TUSC3: variants seen among roughly 807,000 people sequenced by gnomAD.
The protein encoded by TUSC3 is dolichyl-diphosphooligosaccharide--protein glycosyltransferase subunit TUSC3.
Under a neutral mutation model 44.8 loss-of-function variants are expected in TUSC3, and 45 were observed. The observed-to-expected ratio is 1.00, with a 90% CI of 0.79 to 1.29. TUSC3 has a LOEUF of 1.29. Among genes scored for constraint, TUSC3 ranks in the 50% most tolerant of loss-of-function variants. The pLI, the probability that TUSC3 is intolerant of heterozygous loss-of-function variation, is 0.00. For missense variants in TUSC3, 519 were observed against 437.9 expected, an observed-to-expected ratio of 1.19 and a Z score of -1.65; for synonymous variants, 212 against 152.9, an observed-to-expected ratio of 1.39 and a Z score of -2.85.
chr8:15,755,513 C>G (rs905332653), intron 9 of TUSC3, among the ~76,000 whole-genome samples: 1 of 151,966 alleles, frequency 6.6e-6, no homozygotes, highest in African/African-American at 2.4e-5. Context: ...TTTTGATGAG[C>G]TTAGTTGGGC....
chr8:15,735,605 T>A (rs959687771), intron 7 of TUSC3, among the ~76,000 whole-genome samples: 1 of 152,258 alleles, frequency 6.6e-6, no homozygotes, highest in African/African-American at 2.4e-5. Flanking sequence ...AATAGGCCAG[T>A]AATGTTCTCA....
At chr8:15,766,889 A>G (rs1208695897), downstream of TUSC3, among the ~76,000 whole-genome samples, 1 of 152,112 alleles carries the variant, frequency 6.6e-6, no homozygotes, top group East Asian at 1.9e-4. Flanking sequence ...ATTGTGTTTT[A>G]AAAAGGACTG....
chr8:15,682,569 T>C (rs1388483866), intron 6 of TUSC3, among the ~76,000 whole-genome samples: 1 of 152,176 alleles, frequency 6.6e-6, no homozygotes, highest in Non-Finnish European at 1.5e-5. Flanking sequence ...GAAATGGATC[T>C]ATTGGAGACG....
intron 1 of TUSC3, among the ~76,000 whole-genome samples, chr8:15,562,864 A>T (rs1450926219): frequency 6.6e-6 from 1 of 152,136 alleles, no homozygotes; most frequent in African/African-American, 2.4e-5. Context: ...GGTGAGGCTA[A>T]TCCAGGATAA....
chr8:15,644,399 A>G (rs534330647), intron 2 of TUSC3, among the ~76,000 whole-genome samples: 2 of 152,284 alleles, frequency 1.3e-5, no homozygotes, highest in African/African-American at 4.8e-5. Context: ...TTTTCAGTTA[A>G]TAGTGTTGGA....
the TUSC3 span, among the ~76,000 whole-genome samples, chr8:15,819,864 A>G: frequency 6.6e-6 from 1 of 152,086 alleles, no homozygotes; most frequent in African/African-American, 2.4e-5. Context: ...CAGAAGTGGG[A>G]TCTTCCCTTC....
chr8:15,516,644 C>A (rs1370328749), intron 2 of TUSC3, among the ~76,000 whole-genome samples: 2 of 152,158 alleles, frequency 1.3e-5, no homozygotes, highest in African/African-American at 4.8e-5. Flanking sequence ...TTCTCTCTCA[C>A]ATTCACACTA....
chr8:15,535,473 A>G (rs188391463), upstream of TUSC3, among the ~76,000 whole-genome samples: 67 of 152,346 alleles, frequency 4.4e-4, no homozygotes, highest in Admixed American at 1.2e-3. Context: ...TAAAAGGTGC[A>G]GAAAACAAAG....
At chr8:15,528,442 T>C (rs1801405542) in intron 2 of TUSC3, among the ~76,000 whole-genome samples, 1 of 152,218 alleles carries the variant, frequency 6.6e-6, no homozygotes. Flanking sequence ...GCCAAGTAAG[T>C]TGAATCGGTC....
At chr8:15,725,028 A>C (rs1455957977) in intron 6 of TUSC3, among the ~76,000 whole-genome samples, 4 of 152,200 alleles carry the variant, frequency 2.6e-5, no homozygotes, top group Non-Finnish European at 5.9e-5. Flanking sequence ...AACACTGTCA[A>C]ATCTTAGTTT....
intron 1 of TUSC3, among the ~76,000 whole-genome samples, chr8:15,462,597 A>T (rs1800360260): frequency 6.6e-6 from 1 of 152,122 alleles, no homozygotes; most frequent in Non-Finnish European, 1.5e-5. Flanking sequence ...CTATTTTGCA[A>T]AGAAGCTAAC....
At chr8:15,611,251 A>T (rs961430940) in intron 1 of TUSC3, among the ~76,000 whole-genome samples, 1 of 152,080 alleles carries the variant, frequency 6.6e-6, no homozygotes, top group Non-Finnish European at 1.5e-5. Flanking sequence ...CAATGGCGTG[A>T]TCTCGGCTCA....
At chr8:15,689,423 G>A (rs961327569) in intron 6 of TUSC3, 1 of 203,852 alleles carries the variant, frequency 4.9e-6, no homozygotes, top group Non-Finnish European at 1.0e-5. Context: ...TGTTGTTCTT[G>A]ATACCCATAG....
At position 15,653,725 on chromosome 8, in the gene TUSC3, GAAGTATA is replaced by G. The variant is rs1328940756; in HGVS notation, c.426+2912_426+2918del. Among the ~76,000 whole-genome samples the G allele has an allele frequency of 5.9e-5, 9 of 152,324 alleles. No individual in the cohort carries two copies. In the East Asian group the frequency reaches 1.4e-3, roughly 23 times the overall value. On this transcript the variant is annotated intron_variant, in intron 3 of 10. Transcript: ENST00000503731. ...AGGAATTTTAATCTACAGAAGTGGA[GAAGTATA>G]TGTTTTGCTTCACTTGAGAAACACT...
At chr8:15,439,385 G>A (rs2129118180) in intron 1 of TUSC3, among the ~76,000 whole-genome samples, 1 of 152,288 alleles carries the variant, frequency 6.6e-6, no homozygotes, top group East Asian at 1.9e-4. Flanking sequence ...GGGCAACACA[G>A]TGAGTCCTTA....
intron 1 of TUSC3, among the ~76,000 whole-genome samples, chr8:15,447,991 C>A (rs1258808767): frequency 6.6e-6 from 1 of 150,848 alleles, no homozygotes; most frequent in Non-Finnish European, 1.5e-5. Flanking sequence ...TACAGTCACA[C>A]TAGCAATATT....
At chr8:15,789,392 A>G in the TUSC3 span, among the ~76,000 whole-genome samples, 1 of 152,118 alleles carries the variant, frequency 6.6e-6, no homozygotes, top group East Asian at 1.9e-4. Flanking sequence ...TATCATCTCA[A>G]CCCAGCCACT....
intron 2 of TUSC3, among the ~76,000 whole-genome samples, chr8:15,501,320 T>C (rs1258647354): frequency 1.3e-5 from 2 of 152,206 alleles, no homozygotes; most frequent in Non-Finnish European, 2.9e-5. Flanking sequence ...CCATGAATCC[T>C]TCTTGGAACC....
At chr8:15,756,550 T>C (rs1366753811) in intron 9 of TUSC3, among the ~76,000 whole-genome samples, 1 of 152,198 alleles carries the variant, frequency 6.6e-6, no homozygotes, top group Admixed American at 6.5e-5. Flanking sequence ...TTCTAGATTA[T>C]AAGGTATTTG....
Sources: gnomAD v4.1 joint callset for allele counts (sites outside exome capture counted in the v4.1 genomes callset) on GRCh38, gnomAD v4.1.1 for gene constraint, MANE v1.5 for transcripts, NCBI Gene and HGNC (gene_info 2026-07-23, HGNC 2026-07-21) for gene names.